SRGAP1: variants seen among roughly 807,000 people sequenced by gnomAD.
The protein encoded by SRGAP1 is SLIT-ROBO Rho GTPase-activating protein 1.
A neutral mutation model predicts 121.9 loss-of-function variants in SRGAP1; 43 were observed. That is an observed-to-expected ratio of 0.35 (90% CI 0.28 to 0.46). The LOEUF is 0.46. SRGAP1 is among the 20% of genes least tolerant of loss of function. SRGAP1 has a pLI of 1.00. For synonymous variants in SRGAP1, 447 were observed against 485.4 expected, an observed-to-expected ratio of 0.92 and a Z score of 1.04; for missense variants, 1,102 against 1,350.9, an observed-to-expected ratio of 0.82 and a Z score of 2.89.
At chr12:63,868,058 T>A (rs7299747) in intron 1 of SRGAP1, among the ~76,000 whole-genome samples, 2,649 of 64,224 alleles carry the variant, frequency 0.041, 52 homozygotes, top group African/African-American at 0.1. Context: ...ATATATATAT[T>A]TTTTTTTTTT....
In SRGAP1 at chr12:64,080,681, C is replaced by T. The variant is rs555062977; in HGVS notation, c.1408+311C>T. 4 of 420,158 alleles carry T rather than the reference C, an allele frequency of 9.5e-6. No individual in the cohort carries two copies. The East Asian group carries it at 2.1e-4, about 22-fold the overall frequency. 26.0% of individuals were successfully genotyped at this position (420,158 alleles called of 1,614,324 possible). On this transcript the variant is annotated intron_variant, in intron 10 of 21. Transcript: ENST00000355086. Reference sequence around the variant, plus strand: ...AAAAGTCTGGAAACACTGCCCCTCCCCTACCTGCTGACCCCCCAGTCTCTT... The same window carrying T: ...AAAAGTCTGGAAACACTGCCCCTCCTCTACCTGCTGACCCCCCAGTCTCTT...
chr12:63,981,202 C>T (rs549801123), intron 1 of SRGAP1, among the ~76,000 whole-genome samples: 39 of 152,118 alleles, frequency 2.6e-4, no homozygotes, highest in African/African-American at 9.2e-4. Flanking sequence ...CTCATGATTC[C>T]CTAGTTCTTG....
intron 11 of SRGAP1, among the ~76,000 whole-genome samples, chr12:64,088,829 A>G (rs2035994385): frequency 6.6e-6 from 1 of 152,174 alleles, no homozygotes; most frequent in Non-Finnish European, 1.5e-5. Context: ...TCTCCCAGTC[A>G]TGCGGGGACA....
At chr12:63,939,910 C>T (rs2031803457) in intron 1 of SRGAP1, among the ~76,000 whole-genome samples, 1 of 152,086 alleles carries the variant, frequency 6.6e-6, no homozygotes, top group African/African-American at 2.4e-5. Flanking sequence ...GTTGTCTTCA[C>T]TCCTAACCAT....
intron 11 of SRGAP1, among the ~76,000 whole-genome samples, chr12:64,087,329 A>G (rs1162545407): frequency 6.6e-6 from 1 of 152,190 alleles, no homozygotes; most frequent in Non-Finnish European, 1.5e-5. Context: ...ATAGCGTGAC[A>G]GGACTTTTGA....
At chr12:63,987,371 G>A (rs1370287503) in intron 2 of SRGAP1, among the ~76,000 whole-genome samples, 1 of 152,168 alleles carries the variant, frequency 6.6e-6, no homozygotes, top group Non-Finnish European at 1.5e-5. Flanking sequence ...TCAGACACTA[G>A]CTTTGGTCTT....
At chr12:64,029,636 A>G (rs1283945815) in intron 4 of SRGAP1, among the ~76,000 whole-genome samples, 1 of 152,156 alleles carries the variant, frequency 6.6e-6, no homozygotes, top group Non-Finnish European at 1.5e-5. Flanking sequence ...TGTGTGAAAC[A>G]TTGCCTCTGC....
At chr12:64,003,541 A>T (rs1384581228) in intron 3 of SRGAP1, among the ~76,000 whole-genome samples, 1 of 152,128 alleles carries the variant, frequency 6.6e-6, no homozygotes, top group Non-Finnish European at 1.5e-5. Context: ...GCTATAACTA[A>T]AACAACAACA....
chr12:63,901,668 G>A (rs1203665483), intron 1 of SRGAP1, among the ~76,000 whole-genome samples: 1 of 152,162 alleles, frequency 6.6e-6, no homozygotes, highest in African/African-American at 2.4e-5. Context: ...GATTGTCTGA[G>A]CTTTAATGGG....
intron 16 of SRGAP1, 24 bp downstream of exon 16, chr12:64,109,061 A>G: frequency 7.0e-7 from 1 of 1,432,108 alleles, no homozygotes. Context: ...TGCTCTGACA[A>G]AAGGCCCATC....
At chr12:63,978,675 A>G (rs529559851) in intron 1 of SRGAP1, among the ~76,000 whole-genome samples, 2 of 121,646 alleles carry the variant, frequency 1.6e-5, no homozygotes, top group South Asian at 3.0e-4. Context: ...TTCACGTGCA[A>G]GTTTTTGTAT....
Position 64,043,539 on chromosome 12 carries a change from C to A in SRGAP1, c.765C>A (p.Phe255Leu). The change falls in exon 6 of 22, where the codon TTC (phenylalanine) becomes TTA (leucine). Residue 255 changes from phenylalanine to leucine, a missense_variant. By Grantham distance (22) the Phe-to-Leu change is conservative (BLOSUM62 0). Transcript: ENST00000355086. ...LTLEATNASV[F>L]KYYIHDLSDL... is the part of the protein sequence containing the mutation. ...TTGAAGCCACCAATGCCTCAGTTTT[C>A]AAGTACTATATTCATGATCTTTCTG... 1 of 1,612,588 alleles carries A rather than the reference C, an allele frequency of 6.2e-7. No homozygotes were observed. Among genetic ancestry groups the A allele is most frequent in the Non-Finnish European group, 8.5e-7 (1 of 1,179,176 alleles).
intron 15 of SRGAP1, among the ~76,000 whole-genome samples, chr12:64,099,505 T>C (rs1478972385): frequency 6.6e-6 from 1 of 151,960 alleles, no homozygotes; most frequent in Non-Finnish European, 1.5e-5. Flanking sequence ...GTGCCTAGAG[T>C]CTTGGCTCCA....
chr12:64,132,961 A>G (rs552395299), intron 21 of SRGAP1, among the ~76,000 whole-genome samples: 29 of 152,372 alleles, frequency 1.9e-4, no homozygotes, highest in African/African-American at 6.5e-4. Context: ...TCCAATCCAC[A>G]TACCAGGAGA....
At chr12:63,912,304 G>A (rs2030538624) in intron 1 of SRGAP1, among the ~76,000 whole-genome samples, 1 of 152,044 alleles carries the variant, frequency 6.6e-6, no homozygotes, top group Non-Finnish European at 1.5e-5. Flanking sequence ...CAATGTCACG[G>A]AGCATGTAAA....
chr12:64,143,285 C>T lies in SRGAP1; in HGVS notation c.*613C>T, dbSNP rs539831870. ...TATTTCCCCGGGTCCAGCTTAAAGA[C>T]TCGATGGAAGGAGGTAGAACCTCTG... is the stretch of plus-strand genomic sequence containing the variant. On this transcript the variant is annotated 3_prime_UTR_variant, in exon 22 of 22. Transcript: ENST00000355086. 6.5e-6 allele frequency: 1 copy of T among 152,716 alleles called. No homozygotes were observed. The highest frequency in any genetic ancestry group is 1.5e-5 in the Non-Finnish European group (1 of 68,496). The allele number at this position is 152,716 out of a possible 1,614,324, so 9.5% of individuals were successfully genotyped here.
intron 1 of SRGAP1, among the ~76,000 whole-genome samples, chr12:63,932,164 C>T (rs563624956): frequency 1.9e-4 from 29 of 152,154 alleles, no homozygotes; most frequent in Admixed American, 1.4e-3. Context: ...GCCTGTAATC[C>T]CAGCTACTTG....
At chr12:64,008,667 C>G (rs1427457835) in intron 3 of SRGAP1, among the ~76,000 whole-genome samples, 1 of 152,116 alleles carries the variant, frequency 6.6e-6, no homozygotes, top group Non-Finnish European at 1.5e-5. Flanking sequence ...TGTAAGGCCA[C>G]TTTTCTTTCC....
chr12:63,985,589 T>C (rs1035421635), intron 2 of SRGAP1, among the ~76,000 whole-genome samples: 1 of 152,188 alleles, frequency 6.6e-6, no homozygotes, highest in Non-Finnish European at 1.5e-5. Flanking sequence ...CTGGTTAACA[T>C]ATAATGGACA....
Sources: allele counts gnomAD v4.1 joint callset (sites outside exome capture counted in the v4.1 genomes callset), GRCh38; gene constraint gnomAD v4.1.1; transcripts MANE v1.5; gene names NCBI Gene and HGNC (gene_info 2026-07-23, HGNC 2026-07-21).